The following MRPL13 variants were observed in gnomAD, a reference collection of about 807,000 sequenced individuals.
MRPL13 encodes the protein mitochondrial ribosomal protein L13.
Under a neutral mutation model 29.0 loss-of-function variants are expected in MRPL13, and 33 were observed. The ratio of observed to expected loss-of-function variants is 1.14; its 90% CI spans 0.86 to 1.52. The LOEUF (loss-of-function observed/expected upper bound fraction) is 1.52, where lower values mean the gene tolerates loss of function less well. MRPL13 is among the 40% of genes most tolerant of loss of function. The pLI, the probability that MRPL13 is intolerant of heterozygous loss-of-function variation, is 0.00. For missense variants in MRPL13, 227 were observed against 216.7 expected (o/e 1.05, Z -0.30); for synonymous variants, 77 against 68.4 (o/e 1.13, Z -0.62).
At chr8:120,428,325 C>A (rs2130476038) in intron 3 of MRPL13, among the ~76,000 whole-genome samples, 2 of 152,172 alleles carry the variant, frequency 1.3e-5, no homozygotes, top group Middle Eastern at 3.4e-3. Context: ...CTTCCTTATA[C>A]CACATACAAA....
intron 4 of MRPL13, among the ~76,000 whole-genome samples, chr8:120,422,397 C>T (rs1453664763): frequency 6.6e-6 from 1 of 151,240 alleles, no homozygotes; most frequent in Non-Finnish European, 1.5e-5. Context: ...AAAGAAAAAA[C>T]AACAGGAGAC....
At chr8:120,418,905 TACTC>T (rs953890081) in intron 5 of MRPL13, among the ~76,000 whole-genome samples, 4 of 152,026 alleles carry the variant, frequency 2.6e-5, no homozygotes, top group Admixed American at 6.6e-5. Flanking sequence ...ATGAATAACT[TACTC>T]ATTATTAATA....
intron 6 of MRPL13, among the ~76,000 whole-genome samples, chr8:120,410,867 C>T (rs1363165918): frequency 6.6e-6 from 1 of 151,806 alleles, no homozygotes; most frequent in Non-Finnish European, 1.5e-5. Flanking sequence ...CTCCGCCTCC[C>T]GGGTTCAAGC....
At chr8:120,436,401 T>C (rs1563777339) in intron 2 of MRPL13, among the ~76,000 whole-genome samples, 2 of 152,158 alleles carry the variant, frequency 1.3e-5, no homozygotes, top group Non-Finnish European at 2.9e-5. Flanking sequence ...CTCACTGCGG[T>C]TTTAATTTGC....
intron 6 of MRPL13, among the ~76,000 whole-genome samples, chr8:120,409,550 AT>A (rs1334733635): frequency 1.3e-5 from 2 of 152,146 alleles, no homozygotes; most frequent in African/African-American, 2.4e-5. Flanking sequence ...AGATAGTGCT[AT>A]TTTTTTCCTT....
rs547841510 is a variant in MRPL13, at chr8:120,425,590, T to C, written c.246-224A>G. Among the ~76,000 whole-genome samples the C allele has an allele frequency of 2.6e-5, 4 of 152,316 alleles. No individual in the cohort carries two copies. In the South Asian group the frequency reaches 6.2e-4, roughly 24 times the overall value. On this transcript the variant is annotated intron_variant, in intron 3 of 6. Transcript: ENST00000306185. ...AAGTTCTACTTCTTGGAAAAATTTA[T>C]TGGCATAAGTATATTTCTATCTGAA...
intron 6 of MRPL13, among the ~76,000 whole-genome samples, chr8:120,408,878 T>C (rs79206161): frequency 0.014 from 2,085 of 152,334 alleles, 43 homozygotes; most frequent in African/African-American, 0.046. Flanking sequence ...TCTAGAGCTA[T>C]AGACTGAAGA....
chr8:120,427,737 G>A (rs566465401), intron 3 of MRPL13, among the ~76,000 whole-genome samples: 45 of 152,200 alleles, frequency 3.0e-4, no homozygotes, highest in Non-Finnish European at 7.4e-5. Flanking sequence ...GCTGAGGTGT[G>A]AGGACTTCTT....
intron 4 of MRPL13, among the ~76,000 whole-genome samples, chr8:120,421,326 A>G (rs1401805981): frequency 6.6e-6 from 1 of 151,940 alleles, no homozygotes; most frequent in African/African-American, 2.4e-5. Flanking sequence ...TTTATTTGAA[A>G]TTAGAATAAT....
chr8:120,432,370 G>C (rs543645419), intron 2 of MRPL13, among the ~76,000 whole-genome samples: 32 of 152,082 alleles, frequency 2.1e-4, no homozygotes, highest in Admixed American at 2.0e-3. Context: ...ATTTAATAAG[G>C]TTGCCAATAA....
Position 120,395,599 on chromosome 8 carries a change from A to AGAT in MRPL13, c.*502_*504dup. On this transcript the variant is annotated 3_prime_UTR_variant, in exon 7 of 7. Coordinates refer to ENST00000306185, the MANE Select transcript of MRPL13 (RefSeq NM_014078.6). ...AAGAGGCTATATGGGACACAGAAAA[A>AGAT]GATAGCAGTTTATAAATATTTCAGG... The AGAT allele has an allele frequency of 6.5e-6, 1 of 153,352 alleles. No individual in the cohort carries two copies. Among genetic ancestry groups the AGAT allele is most frequent in the Non-Finnish European group, 1.5e-5 (1 of 68,866 alleles). 9.5% of individuals were successfully genotyped at this position (153,352 alleles called of 1,614,324 possible).
chr8:120,399,971 G>A (rs183767756), intron 6 of MRPL13, among the ~76,000 whole-genome samples: 398 of 152,186 alleles, frequency 2.6e-3, no homozygotes, highest in Middle Eastern at 6.8e-3. Context: ...TCAGGAGTAC[G>A]CAGATTCATA....
chr8:120,425,426 G>C (rs377339206), intron 3 of MRPL13, 60 bp from the exon 4 acceptor site: 1,230 of 1,098,636 alleles, frequency 1.1e-3, no homozygotes, highest in Non-Finnish European at 1.3e-3. Flanking sequence ...TTCTTAAACT[G>C]ATCATTCTTT....
At chr8:120,438,255 C>T (rs1317275464) in intron 2 of MRPL13, among the ~76,000 whole-genome samples, 2 of 152,112 alleles carry the variant, frequency 1.3e-5, no homozygotes, top group African/African-American at 4.8e-5. Context: ...TCCCAGCTAC[C>T]TGGGAGGCTC....
At chr8:120,413,934 G>A in intron 6 of MRPL13, 57 bp downstream of exon 6, 1 of 1,432,724 alleles carries the variant, frequency 7.0e-7, no homozygotes. Flanking sequence ...TAATCATATG[G>A]TTGAGGAAAC....
intron 5 of MRPL13, among the ~76,000 whole-genome samples, chr8:120,416,834 C>T (rs1812809005): frequency 6.6e-6 from 1 of 152,024 alleles, no homozygotes; most frequent in African/African-American, 2.4e-5. Context: ...TCCTAGTCTC[C>T]CTATAGAACA....
Position 120,413,689 on chromosome 8 carries a change from G to A in MRPL13, c.515+302C>T, listed in dbSNP as rs12334883. On this transcript the variant is annotated intron_variant, in intron 6 of 6. Transcript: ENST00000306185. The stretch of plus-strand genomic sequence containing the variant: ...AATGTGGAAAACTGAGAATCATTAC[G>A]TTTTAGATTAATAACAATTCATATA... Among the ~76,000 whole-genome samples, 841 of 152,216 alleles carry A rather than the reference G, an allele frequency of 5.5e-3. 10 individuals are homozygous for A. Among genetic ancestry groups the A allele is most frequent in the African/African-American group, 0.019 (799 of 41,542 alleles).
intron 6 of MRPL13, among the ~76,000 whole-genome samples, chr8:120,406,782 A>G (rs1411037091): frequency 2.6e-5 from 4 of 152,196 alleles, no homozygotes; most frequent in Admixed American, 6.5e-5. Context: ...TAGCTAACAT[A>G]AAACTTTCCT....
At chr8:120,419,197 C>G (rs573248098) in intron 5 of MRPL13, among the ~76,000 whole-genome samples, 2 of 151,864 alleles carry the variant, frequency 1.3e-5, no homozygotes, top group African/African-American at 4.8e-5. Flanking sequence ...AGATAAGTAA[C>G]GAGCCCAAGT....
Sources: allele counts gnomAD v4.1 joint callset (sites outside exome capture counted in the v4.1 genomes callset), GRCh38; gene constraint gnomAD v4.1.1; transcripts MANE v1.5; gene names NCBI Gene and HGNC (gene_info 2026-07-23, HGNC 2026-07-21).